UBXN7: variants seen among roughly 807,000 people sequenced by gnomAD.
The protein encoded by UBXN7 is UBX domain protein 7.
UBXN7 carries 9 observed loss-of-function variants against 58.0 expected under a neutral mutation model. The observed-to-expected ratio is 0.16, with a 90% CI of 0.09 to 0.27. The LOEUF is 0.27. Ranked by LOEUF, UBXN7 falls within the 10% of genes least tolerant of loss-of-function variation. UBXN7 has a pLI of 1.00. For synonymous variants in UBXN7, 208 were observed against 205.0 expected, an observed-to-expected ratio of 1.01 and a Z score of -0.12; for missense variants, 328 against 599.6, an observed-to-expected ratio of 0.55 and a Z score of 4.73.
chr3:196,359,051 G>A (rs1258147109), intron 10 of UBXN7, among the ~76,000 whole-genome samples: 1 of 151,888 alleles, frequency 6.6e-6, no homozygotes, highest in South Asian at 2.1e-4. Flanking sequence ...TGCTTCCAAC[G>A]CCCTGTTTCA....
At chr3:196,431,735 C>G (rs1456574736) in intron 1 of UBXN7, 1 of 449,118 alleles carries the variant, frequency 2.2e-6, no homozygotes, top group African/African-American at 2.0e-5. Context: ...GCACCCCCCG[C>G]TTCTGGCGGC....
At chr3:196,370,699 A>G (rs1728800702) in intron 6 of UBXN7, among the ~76,000 whole-genome samples, 1 of 151,698 alleles carries the variant, frequency 6.6e-6, no homozygotes, top group Non-Finnish European at 1.5e-5. Context: ...ATAAGTTTTT[A>G]TTTTCTATAA....
At position 196,372,046 on chromosome 3, in the gene UBXN7, C is replaced by G. The variant is rs1427148840; in HGVS notation, c.469-4G>C. On this transcript the variant is annotated splice_region_variant and splice_polypyrimidine_tract_variant and intron_variant, in intron 5 of 10. Coordinates refer to ENST00000296328, the MANE Select transcript of UBXN7 (RefSeq NM_015562.2). ...GCATCTGGCCACACTCTTTGGCCTG[C>G]AAGAGTAAAGTTACACATTTGTTAG... 1 of 1,591,322 alleles carries G rather than the reference C, an allele frequency of 6.3e-7. No individual in the cohort carries two copies. The highest frequency in any genetic ancestry group is 8.5e-7 in the Non-Finnish European group (1 of 1,169,648).
intron 1 of UBXN7, among the ~76,000 whole-genome samples, chr3:196,424,296 T>C (rs1237791504): frequency 6.6e-5 from 10 of 152,022 alleles, no homozygotes; most frequent in Non-Finnish European, 7.4e-5. Context: ...CCCCGGATGT[T>C]GGTGTTCCTT....
intron 1 of UBXN7, among the ~76,000 whole-genome samples, chr3:196,411,292 T>C (rs927478476): frequency 6.6e-6 from 1 of 152,238 alleles, no homozygotes; most frequent in Non-Finnish European, 1.5e-5. Context: ...TATCTCATAG[T>C]ACTTTAACTC....
In UBXN7 at chr3:196,372,803, T is replaced by C. The variant is rs946361267; in HGVS notation, c.469-761A>G. ...TCTTGTTGCCTAAGTCGGAGAACAA[T>C]GGCACGATCTCGGCTCACTACAACC... On this transcript the variant is annotated intron_variant, in intron 5 of 10. Transcript: ENST00000296328. 3.9e-5 allele frequency among the ~76,000 whole-genome samples: 6 copies of C among 152,022 alleles called. No homozygotes were observed. In the East Asian group the frequency reaches 5.8e-4, roughly 15 times the overall value.
At chr3:196,392,156 G>A (rs1729604169) in intron 4 of UBXN7, among the ~76,000 whole-genome samples, 2 of 152,158 alleles carry the variant, frequency 1.3e-5, no homozygotes, top group South Asian at 4.2e-4. Context: ...AAAATTAACT[G>A]AAAATATTCA....
chr3:196,395,767 TA>T (rs1213508759), intron 3 of UBXN7, among the ~76,000 whole-genome samples: 1 of 151,816 alleles, frequency 6.6e-6, no homozygotes, highest in African/African-American at 2.4e-5. Flanking sequence ...CTGAATTAAT[TA>T]ATTTATTTAT....
At chr3:196,365,690 G>A (rs1477483169) in intron 8 of UBXN7, among the ~76,000 whole-genome samples, 6 of 152,114 alleles carry the variant, frequency 3.9e-5, no homozygotes, top group Non-Finnish European at 7.4e-5. Flanking sequence ...ATTCATTCAT[G>A]GCATCACGAG....
At chr3:196,426,996 A>C (rs1730870705) in intron 1 of UBXN7, among the ~76,000 whole-genome samples, 1 of 152,182 alleles carries the variant, frequency 6.6e-6, no homozygotes, top group Admixed American at 6.5e-5. Flanking sequence ...TAATTTTCTC[A>C]AGTATGTTAT....
chr3:196,415,211 G>T (rs577061407), intron 1 of UBXN7, among the ~76,000 whole-genome samples: 26 of 147,330 alleles, frequency 1.8e-4, no homozygotes, highest in Non-Finnish European at 1.6e-4. Context: ...GAAAAGCAGT[G>T]GTGCGAATCT....
chr3:196,407,784 T>G (rs572193668), intron 1 of UBXN7, among the ~76,000 whole-genome samples: 25 of 152,278 alleles, frequency 1.6e-4, no homozygotes, highest in African/African-American at 6.0e-4. Flanking sequence ...ACATTTCAGT[T>G]AGCATTTCTG....
rs1447285239 is a variant in UBXN7 at position 196,407,332 on chromosome 3, T to C, written c.135A>G (p.Ala45=). The change falls in exon 2 of 11, where the codon GCA becomes GCG. Residue 45 remains alanine, a synonymous_variant. Transcript: ENST00000296328. ...CTCCACCATCCAAAAACATAGTGAC[T>C]GCCATTTCCAGATTATTGTTGCACG... ...LEACNNNLEM[A]VTMFLDGGGI... 4.3e-6 allele frequency: 7 copies of C among 1,613,890 alleles called. No individual in the cohort carries two copies. The highest frequency in any genetic ancestry group is 1.6e-4 in the Middle Eastern group (1 of 6,062).
At chr3:196,428,293 G>A (rs1378816920) in intron 1 of UBXN7, among the ~76,000 whole-genome samples, 1 of 151,784 alleles carries the variant, frequency 6.6e-6, no homozygotes, top group Non-Finnish European at 1.5e-5. Flanking sequence ...GAAAATTTCA[G>A]AACCGTGTAT....
Position 196,351,235 on chromosome 3 carries a change from A to G in UBXN7, c.*5450T>C, listed in dbSNP as rs551524511. ...CAAATCAATTTCCCAACAGGCCAGT[A>G]AAGTACTTTAAGTACACAAGTAAAA... On this transcript the variant is annotated 3_prime_UTR_variant, in exon 11 of 11. Coordinates refer to ENST00000296328, the MANE Select transcript of UBXN7 (RefSeq NM_015562.2). 2 of 152,368 alleles carry G rather than the reference A, an allele frequency of 1.3e-5. No individual in the cohort carries two copies. Among genetic ancestry groups the G allele is most frequent in the South Asian group, 2.1e-4 (1 of 4,830 alleles). The allele number at this position is 152,368 out of a possible 1,614,324, so 9.4% of individuals were successfully genotyped here.
intron 3 of UBXN7, among the ~76,000 whole-genome samples, chr3:196,398,592 A>G (rs1226075866): frequency 2.0e-5 from 3 of 152,230 alleles, no homozygotes; most frequent in Non-Finnish European, 4.4e-5. Context: ...AAAGGTGGGT[A>G]CAAAAAATTT....
At chr3:196,404,239 T>G (rs1328644208) in intron 2 of UBXN7, among the ~76,000 whole-genome samples, 1 of 151,612 alleles carries the variant, frequency 6.6e-6, no homozygotes, top group Non-Finnish European at 1.5e-5. Flanking sequence ...AAATTCCATA[T>G]AAATTTATGT....
chr3:196,393,740 T>TCACC (rs1484756959), intron 3 of UBXN7, 121 bp from the exon 4 acceptor site: 1 of 920,448 alleles, frequency 1.1e-6, no homozygotes, highest in Non-Finnish European at 1.6e-6. Flanking sequence ...GAACTGCATG[T>TCACC]CACCCTTGCA....
At chr3:196,370,271 GTTT>G (rs200875234) in intron 6 of UBXN7, among the ~76,000 whole-genome samples, 1 of 106,772 alleles carries the variant, frequency 9.4e-6, no homozygotes, top group African/African-American at 3.3e-5. Context: ...AAGTTTTTTT[GTTT>G]TTTTTTGTTT....
Sources: allele counts gnomAD v4.1 joint callset (sites outside exome capture counted in the v4.1 genomes callset), GRCh38; gene constraint gnomAD v4.1.1; transcripts MANE v1.5; gene names NCBI Gene and HGNC (gene_info 2026-07-23, HGNC 2026-07-21).